SECISBP2: variants seen among roughly 807,000 people sequenced by gnomAD.
The protein encoded by SECISBP2 is SECIS binding protein 2, also known as selenocysteine insertion sequence-binding protein 2.
A neutral mutation model predicts 98.2 loss-of-function variants in SECISBP2; 96 were observed. That is an observed-to-expected ratio of 0.98 (90% CI 0.83 to 1.16). SECISBP2 has a LOEUF of 1.16. Ranked by LOEUF, SECISBP2 falls within the 50% of genes most tolerant of loss-of-function variation. The pLI is 0.00. For missense variants in SECISBP2, 1,046 were observed against 1,022.9 expected, an observed-to-expected ratio of 1.02 and a Z score of -0.31; for synonymous variants, 407 against 370.2, an observed-to-expected ratio of 1.10 and a Z score of -1.14.
chr9:89,328,579 G>A (rs1827174685), intron 4 of SECISBP2, 81 bp from the exon 5 acceptor site: 2 of 1,050,146 alleles, frequency 1.9e-6, no homozygotes, highest in African/African-American at 1.6e-5. Flanking sequence ...AATAGTCTTT[G>A]TACTCTGCAA....
chr9:89,328,887 G>T lies in SECISBP2; in HGVS notation c.801+1G>T. 6.2e-7 allele frequency: 1 copy of T among 1,607,564 alleles called. No individual in the cohort carries two copies. Among genetic ancestry groups the T allele is most frequent in the East Asian group, 2.2e-5 (1 of 44,840 alleles). ...AAAACCAGCTGCAGTGTTATCAAAG[G>T]TGAGGTGAGGGTTTCTCTCTTTTTC... On this transcript the variant is annotated splice_donor_variant, in intron 5 of 16. Transcript: ENST00000375807. LOFTEE classifies it high-confidence loss of function.
At chr9:89,338,824 T>C (rs1829199386) in intron 8 of SECISBP2, among the ~76,000 whole-genome samples, 1 of 152,104 alleles carries the variant, frequency 6.6e-6, no homozygotes, top group Non-Finnish European at 1.5e-5. Context: ...ACTACTTGTA[T>C]CAGAGTTGAA....
Position 89,326,056 on chromosome 9 carries a change from T to C in SECISBP2, c.574+18T>C, listed in dbSNP as rs1442671879. The stretch of plus-strand genomic sequence containing the variant: ...GAAATCAGGTAAAAATAACCAACAA[T>C]GTAGTATAATGCGAGCCTACTCCTT... On this transcript the variant is annotated intron_variant, in intron 4 of 16. Coordinates refer to ENST00000375807, the MANE Select transcript of SECISBP2 (RefSeq NM_024077.5). The C allele has an allele frequency of 6.2e-7, 1 of 1,608,784 alleles. No individual in the cohort carries two copies. Among genetic ancestry groups the C allele is most frequent in the South Asian group, 1.1e-5 (1 of 91,072 alleles).
At chr9:89,344,382 C>T (rs567598973) in intron 10 of SECISBP2, among the ~76,000 whole-genome samples, 2 of 152,296 alleles carry the variant, frequency 1.3e-5, no homozygotes, top group South Asian at 4.1e-4. Context: ...AAATCTTTGT[C>T]AGTTCCTGTG....
intron 5 of SECISBP2, among the ~76,000 whole-genome samples, chr9:89,330,793 C>T (rs754450207): frequency 1.3e-5 from 2 of 152,228 alleles, no homozygotes; most frequent in Admixed American, 6.5e-5. Context: ...CATCACGTAC[C>T]GCTCTCATGA....
In SECISBP2 at chr9:89,334,724, C is replaced by T; in HGVS notation, c.1083C>T (p.Thr361=). ...YNKEKHIIHP[T]QKSKASQGSD... is the part of the protein sequence containing the mutation. Reference sequence around the variant, plus strand: ...AAGAAAAACACATTATTCATCCTACCCAAAAGGTACGTGTCACTAGAGACA... The same window carrying T: ...AAGAAAAACACATTATTCATCCTACTCAAAAGGTACGTGTCACTAGAGACA... The change falls in exon 7 of 17, where the codon ACC becomes ACT. Residue 361 remains threonine (T), a synonymous_variant. Coordinates refer to ENST00000375807, the MANE Select transcript of SECISBP2 (RefSeq NM_024077.5). 6.2e-7 allele frequency: 1 copy of T among 1,611,600 alleles called. No individual in the cohort carries two copies. Among genetic ancestry groups the T allele is most frequent in the Non-Finnish European group, 8.5e-7 (1 of 1,178,868 alleles).
intron 5 of SECISBP2, among the ~76,000 whole-genome samples, chr9:89,331,946 A>G (rs1401414122): frequency 6.6e-6 from 1 of 152,236 alleles, no homozygotes; most frequent in Non-Finnish European, 1.5e-5. Context: ...TAATGAAGCT[A>G]TAGATGTGGG....
rs934264897 is a variant in SECISBP2, at chr9:89,318,633, T to C, written c.36+21T>C. The C allele has an allele frequency of 1.5e-5, 21 of 1,418,436 alleles. No individual in the cohort carries two copies. In the African/African-American group the frequency reaches 2.6e-4, roughly 17 times the overall value. The allele number at this position is 1,418,436 out of a possible 1,614,324, so 87.9% of individuals were successfully genotyped here. ...GCGAGGTAAGGGCCGACGGGGGCTCTCTCGGCAGCCTCAGTCCGTCCGCCT... is the reference window on the plus strand; with the variant it reads ...GCGAGGTAAGGGCCGACGGGGGCTCCCTCGGCAGCCTCAGTCCGTCCGCCT... On this transcript the variant is annotated intron_variant, in intron 1 of 16. Transcript: ENST00000375807.
rs760347900 is a variant in SECISBP2 at position 89,325,925 on chromosome 9, A to G, written c.461A>G (p.Tyr154Cys). 30 of 1,613,966 alleles carry G rather than the reference A, an allele frequency of 1.9e-5. No homozygotes were observed. Among genetic ancestry groups the G allele is most frequent in the East Asian group, 4.5e-5 (2 of 44,892 alleles). ...AAAACCTATGATGAGAAAAAAACGT[A>G]TGATCAGCAAAAGTTTGACAGTGAA... is the stretch of plus-strand genomic sequence containing the variant. ...KKKTYDEKKT[Y>C]DQQKFDSERA... Residue 154 changes from tyrosine to cysteine, a missense_variant, in exon 4 of 17, where the codon TAT (tyrosine) becomes TGT (cysteine). Coordinates refer to ENST00000375807, the MANE Select transcript of SECISBP2 (RefSeq NM_024077.5).
Position 89,340,987 on chromosome 9 carries a change from A to G in SECISBP2, c.1303-360A>G, listed in dbSNP as rs78895162. ...AGGCATTTGGAGAGAGAATGGGCTA[A>G]TGAGGCGATAGTACTAACCAAGTAG... On this transcript the variant is annotated intron_variant, in intron 9 of 16. Transcript: ENST00000375807. Among the ~76,000 whole-genome samples, 593 of 152,150 alleles carry G rather than the reference A, an allele frequency of 3.9e-3. 1 individual carries two copies. Among genetic ancestry groups the G allele is most frequent in the African/African-American group, 0.013 (543 of 41,582 alleles).
intron 12 of SECISBP2, among the ~76,000 whole-genome samples, chr9:89,349,431 AAG>A (rs1830925316): frequency 6.6e-6 from 1 of 152,226 alleles, no homozygotes; most frequent in Non-Finnish European, 1.5e-5. Context: ...GCTCCCTGAT[AAG>A]AGATTCTTCA....
chr9:89,350,729 C>T lies in SECISBP2; in HGVS notation c.1990C>T (p.Pro664Ser). 1 of 1,614,200 alleles carries T rather than the reference C, an allele frequency of 6.2e-7. No homozygotes were observed. The change falls in exon 14 of 17, where the codon CCA (proline) becomes TCA (serine). Residue 664 changes from proline to serine, a missense_variant. Coordinates refer to ENST00000375807, the MANE Select transcript of SECISBP2 (RefSeq NM_024077.5). The stretch of plus-strand genomic sequence containing the variant: ...CCAAGACCGTATGTACCAGAAAGAT[C>T]CAGTCAAGGCCAAGACTAAACGTCG... Reference protein sequence around the residue: ...RFQDRMYQKDPVKAKTKRRLV... With the variant: ...RFQDRMYQKDSVKAKTKRRLV...
chr9:89,353,582 G>C (rs995367105), intron 14 of SECISBP2, among the ~76,000 whole-genome samples: 2 of 152,204 alleles, frequency 1.3e-5, no homozygotes, highest in East Asian at 3.9e-4. Context: ...GGGGGATTCT[G>C]GGGTCCAGGG....
At chr9:89,355,652 A>G (rs1564448382) in intron 14 of SECISBP2, 1 of 675,452 alleles carries the variant, frequency 1.5e-6, no homozygotes, top group Non-Finnish European at 1.8e-6. Context: ...TTCATTTTTT[A>G]GTTGCATCTA....
At chr9:89,331,987 T>A (rs765757870) in intron 5 of SECISBP2, among the ~76,000 whole-genome samples, 3 of 152,216 alleles carry the variant, frequency 2.0e-5, no homozygotes, top group African/African-American at 7.2e-5. Flanking sequence ...TGAGATTTGG[T>A]TGAAGGAAGT....
chr9:89,350,078 C>T (rs139806856), intron 13 of SECISBP2, 149 bp downstream of exon 13: 8 of 911,048 alleles, frequency 8.8e-6, no homozygotes, highest in African/African-American at 4.9e-5. Context: ...CCTGGTTACA[C>T]GCATTCAGGG....
chr9:89,325,147 G>C (rs1273067045), intron 2 of SECISBP2: 3 of 430,164 alleles, frequency 7.0e-6, no homozygotes, highest in East Asian at 5.3e-5. Flanking sequence ...CCAAATACTT[G>C]GTAGCAATTG....
Position 89,328,892 on chromosome 9 carries a change from G to T in SECISBP2, c.801+6G>T. The T allele has an allele frequency of 6.2e-7, 1 of 1,604,152 alleles. No homozygotes were observed. Among genetic ancestry groups the T allele is most frequent in the Non-Finnish European group, 8.5e-7 (1 of 1,171,392 alleles). ...CAGCTGCAGTGTTATCAAAGGTGAG[G>T]TGAGGGTTTCTCTCTTTTTCTTTTT... On this transcript the variant is annotated splice_donor_region_variant and intron_variant, in intron 5 of 16. Coordinates refer to ENST00000375807, the MANE Select transcript of SECISBP2 (RefSeq NM_024077.5).
At chr9:89,362,080 C>T (rs111907314), downstream of SECISBP2, 1,416 of 527,578 alleles carry the variant, frequency 2.7e-3, 17 homozygotes, top group African/African-American at 0.024. Flanking sequence ...CCTGCACACA[C>T]CCTGCTGTTT....
Sources: gnomAD v4.1 joint callset for allele counts (sites outside exome capture counted in the v4.1 genomes callset) on GRCh38, gnomAD v4.1.1 for gene constraint, MANE v1.5 for transcripts, NCBI Gene and HGNC (gene_info 2026-07-23, HGNC 2026-07-21) for gene names.